SH3PXD2B: variants seen among roughly 807,000 people sequenced by gnomAD.
SH3PXD2B encodes SH3 and PX domains 2B.
In SH3PXD2B, 37 loss-of-function variants were observed where a neutral mutation model predicts 73.1. That is an observed-to-expected ratio of 0.51 (90% CI 0.39 to 0.67). The LOEUF (loss-of-function observed/expected upper bound fraction) is 0.67, where lower values mean the gene tolerates loss of function less well. SH3PXD2B is among the 30% of genes least tolerant of loss of function. SH3PXD2B has a pLI of 0.00. For missense variants in SH3PXD2B, 1,053 were observed against 1,197.8 expected (o/e 0.88, Z 1.78); for synonymous variants, 457 against 480.5 (o/e 0.95, Z 0.64).
intron 6 of SH3PXD2B, among the ~76,000 whole-genome samples, chr5:172,367,061 C>T (rs1446166474): frequency 1.3e-5 from 2 of 150,422 alleles, no homozygotes; most frequent in Non-Finnish European, 3.0e-5. Context: ...CTCAGCCTCC[C>T]GAGTAACTGG....
chr5:172,392,920 G>A (rs1296775604), intron 4 of SH3PXD2B, among the ~76,000 whole-genome samples: 1 of 152,238 alleles, frequency 6.6e-6, no homozygotes, highest in African/African-American at 2.4e-5. Flanking sequence ...TTGTTCCGCT[G>A]ATCTACATGC....
At chr5:172,440,728 G>A (rs1759536116) in intron 1 of SH3PXD2B, among the ~76,000 whole-genome samples, 2 of 152,158 alleles carry the variant, frequency 1.3e-5, no homozygotes, top group South Asian at 4.1e-4. Context: ...CCAGCTGCGA[G>A]GCAAGGCCAT....
chr5:172,433,374 G>C (rs983831189), intron 1 of SH3PXD2B, among the ~76,000 whole-genome samples: 3 of 152,120 alleles, frequency 2.0e-5, no homozygotes, highest in African/African-American at 4.8e-5. Flanking sequence ...TCAGTGGTTC[G>C]CTTTGGGGTG....
chr5:172,420,726 T>C (rs574400456), intron 2 of SH3PXD2B, among the ~76,000 whole-genome samples: 11 of 152,352 alleles, frequency 7.2e-5, no homozygotes, highest in African/African-American at 1.9e-4. Context: ...TCACTCATAT[T>C]GATTGGCGTC....
chr5:172,339,537 G>A lies in SH3PXD2B; in HGVS notation c.1568C>T (p.Pro523Leu). Reference sequence around the variant, plus strand: ...CTTGATGATGGATTCTTTCCGCGGAGGGAGGCTGGGCTTCTCCTCCATGTC... The same window carrying A: ...CTTGATGATGGATTCTTTCCGCGGAAGGAGGCTGGGCTTCTCCTCCATGTC... ...DPDMEEKPSLPPRKESIIKSE... is the reference protein window; with the variant it reads ...DPDMEEKPSLLPRKESIIKSE... Residue 523 changes from proline (P) to leucine (L), a missense_variant, in exon 13 of 13, where the codon CCT becomes CTT. Transcript: ENST00000311601. The surrounding 1 kb of genome is among the most constrained non-coding windows in gnomAD (Gnocchi z 6.1). 1 of 1,614,180 alleles carries A rather than the reference G, an allele frequency of 6.2e-7. No homozygotes were observed. The highest frequency in any genetic ancestry group is 8.5e-7 in the Non-Finnish European group (1 of 1,180,052).
intron 8 of SH3PXD2B, among the ~76,000 whole-genome samples, chr5:172,356,123 C>T (rs1374811485): frequency 2.0e-5 from 3 of 152,014 alleles, no homozygotes; most frequent in Non-Finnish European, 2.9e-5. Flanking sequence ...TTATGGATGG[C>T]AAGTGACCCT....
At chr5:172,381,581 G>A (rs1350763841) in intron 5 of SH3PXD2B, among the ~76,000 whole-genome samples, 4 of 152,142 alleles carry the variant, frequency 2.6e-5, no homozygotes, top group Non-Finnish European at 5.9e-5. Context: ...ATTTTGGAGA[G>A]CTTCGGAGCC....
chr5:172,330,907 G>C (rs1049102122), downstream of SH3PXD2B, among the ~76,000 whole-genome samples: 3 of 152,346 alleles, frequency 2.0e-5, no homozygotes, highest in Middle Eastern at 3.4e-3. Flanking sequence ...GTAAAAGTTA[G>C]ATCCTGGCTG....
At chr5:172,370,336 ACAAT>A (rs1172619752) in intron 6 of SH3PXD2B, among the ~76,000 whole-genome samples, 9 of 152,194 alleles carry the variant, frequency 5.9e-5, no homozygotes, top group African/African-American at 2.2e-4. Flanking sequence ...TGCACCACAT[ACAAT>A]TTTCAGGACT....
chr5:172,439,689 C>T (rs543466647), intron 1 of SH3PXD2B, among the ~76,000 whole-genome samples: 9,276 of 121,106 alleles, frequency 0.077, 424 homozygotes, highest in South Asian at 0.27. Context: ...CGCGCACGCG[C>T]GCGCACACAC....
chr5:172,355,257 T>G (rs1757244881), intron 8 of SH3PXD2B, among the ~76,000 whole-genome samples: 1 of 152,228 alleles, frequency 6.6e-6, no homozygotes, highest in African/African-American at 2.4e-5. Flanking sequence ...CGTTTATTTA[T>G]TTATTGATCT....
At chr5:172,358,033 G>A (rs991758991) in intron 8 of SH3PXD2B, among the ~76,000 whole-genome samples, 1 of 152,034 alleles carries the variant, frequency 6.6e-6, no homozygotes, top group Non-Finnish European at 1.5e-5. Context: ...AAAGTCCTAT[G>A]ATATAGATAT....
intron 4 of SH3PXD2B, among the ~76,000 whole-genome samples, chr5:172,386,749 T>C (rs961074627): frequency 6.6e-6 from 1 of 152,114 alleles, no homozygotes; most frequent in African/African-American, 2.4e-5. Context: ...CACCTCAGCC[T>C]CCTGAGTAGC....
chr5:172,330,705 C>T (rs1201621560), downstream of SH3PXD2B, among the ~76,000 whole-genome samples: 1 of 152,184 alleles, frequency 6.6e-6, no homozygotes, highest in Non-Finnish European at 1.5e-5. Flanking sequence ...ATTATAGATT[C>T]GGGAACTTAT....
At chr5:172,355,554 T>C (rs1484912057) in intron 8 of SH3PXD2B, among the ~76,000 whole-genome samples, 196 of 151,862 alleles carry the variant, frequency 1.3e-3, no homozygotes, top group African/African-American at 4.6e-3. Flanking sequence ...TTTTCTTTTT[T>C]TTTTTTTTTA....
intron 2 of SH3PXD2B, among the ~76,000 whole-genome samples, chr5:172,417,995 A>G (rs1016201795): frequency 3.9e-5 from 6 of 152,188 alleles, no homozygotes; most frequent in Admixed American, 2.0e-4. Context: ...CTTTCTGTCT[A>G]TGAATCTGCC....
At chr5:172,434,236 T>C (rs1232176667) in intron 1 of SH3PXD2B, among the ~76,000 whole-genome samples, 3 of 152,150 alleles carry the variant, frequency 2.0e-5, no homozygotes, top group Non-Finnish European at 4.4e-5. Context: ...AAATGTCCCA[T>C]GAAAATGGAC....
rs1404599597 is a variant in SH3PXD2B, at chr5:172,353,871, G to A, written c.785+17C>T. On this transcript the variant is annotated intron_variant, in intron 9 of 12. Transcript: ENST00000311601. The surrounding 1 kb of genome is among the most constrained non-coding windows in gnomAD (Gnocchi z 4.3). ...CCCCAAACCCACCCAGCAACCGTGG[G>A]GGGCAGCGGCTGGTACCTGATCTTC... 8 of 1,607,506 alleles carry A rather than the reference G, an allele frequency of 5.0e-6. No individual in the cohort carries two copies. Among genetic ancestry groups the A allele is most frequent in the African/African-American group, 1.3e-5 (1 of 74,750 alleles).
chr5:172,393,314 A>C (rs906921437), intron 4 of SH3PXD2B, among the ~76,000 whole-genome samples: 2 of 152,116 alleles, frequency 1.3e-5, no homozygotes, highest in African/African-American at 2.4e-5. Context: ...TTTTGATGCT[A>C]TTGGGAGTGG....
Sources: allele counts gnomAD v4.1 joint callset (sites outside exome capture counted in the v4.1 genomes callset), GRCh38; gene constraint gnomAD v4.1.1; non-coding constraint Gnocchi (gnomAD v3.1); transcripts MANE v1.5; gene names NCBI Gene and HGNC (gene_info 2026-07-23, HGNC 2026-07-21).